TAFA2: variants seen among roughly 807,000 people sequenced by gnomAD.
TAFA2 encodes the protein chemokine-like protein TAFA-2.
A neutral mutation model predicts 18.8 loss-of-function variants in TAFA2; 7 were observed. That is an observed-to-expected ratio of 0.37 (90% CI 0.21 to 0.70). The LOEUF (loss-of-function observed/expected upper bound fraction) is 0.70. Among genes scored for constraint, TAFA2 ranks in the 30% least tolerant of loss-of-function variants. The pLI is 0.53. For synonymous variants in TAFA2, 60 were observed against 54.2 expected, an observed-to-expected ratio of 1.11 and a Z score of -0.47; for missense variants, 122 against 158.1, an observed-to-expected ratio of 0.77 and a Z score of 1.23.
At chr12:61,871,916 C>A (rs578206045) in intron 1 of TAFA2, among the ~76,000 whole-genome samples, 1 of 152,162 alleles carries the variant, frequency 6.6e-6, no homozygotes, top group Non-Finnish European at 1.5e-5. Flanking sequence ...CACAGTGAAA[C>A]CCTGTCTCTA....
intron 1 of TAFA2, among the ~76,000 whole-genome samples, chr12:62,215,625 T>A (rs1353948386): frequency 8.6e-6 from 1 of 115,950 alleles, no homozygotes; most frequent in Non-Finnish European, 1.8e-5. Flanking sequence ...ACAACTCGTT[T>A]ATCAAAAAAA....
At chr12:62,134,297 A>G (rs1870807842) in intron 1 of TAFA2, among the ~76,000 whole-genome samples, 1 of 151,952 alleles carries the variant, frequency 6.6e-6, no homozygotes. Context: ...AATTAGGGTT[A>G]AATGAGGTCC....
chr12:61,845,280 A>C (rs1209851582), intron 2 of TAFA2, among the ~76,000 whole-genome samples: 4 of 152,106 alleles, frequency 2.6e-5, no homozygotes, highest in Non-Finnish European at 5.9e-5. Flanking sequence ...AGACTATTGA[A>C]CTTTAAATTA....
At chr12:61,940,956 G>A (rs908805192) in intron 1 of TAFA2, among the ~76,000 whole-genome samples, 14 of 151,922 alleles carry the variant, frequency 9.2e-5, no homozygotes, top group African/African-American at 2.9e-4. Flanking sequence ...TGTGGCTACT[G>A]AATACTTGAA....
chr12:61,938,230 T>TTA (rs1453229631), intron 1 of TAFA2, among the ~76,000 whole-genome samples: 2 of 98,484 alleles, frequency 2.0e-5, no homozygotes, highest in East Asian at 2.9e-4. Flanking sequence ...ATAGATATGG[T>TTA]AAAAAAAAAA....
chr12:62,217,151 T>C (rs1282661590), intron 1 of TAFA2, among the ~76,000 whole-genome samples: 4 of 152,192 alleles, frequency 2.6e-5, no homozygotes, highest in Non-Finnish European at 5.9e-5. Context: ...ACCCACCCTC[T>C]AGATAGCATG....
chr12:61,970,589 T>A (rs1045363526), intron 1 of TAFA2, among the ~76,000 whole-genome samples: 2 of 151,540 alleles, frequency 1.3e-5, no homozygotes, highest in African/African-American at 4.8e-5. Context: ...GGAAGGCTTT[T>A]GCAACAGTCA....
At chr12:62,145,929 A>T (rs148985460) in intron 1 of TAFA2, among the ~76,000 whole-genome samples, 150 of 152,346 alleles carry the variant, frequency 9.8e-4, no homozygotes, top group South Asian at 4.3e-3. Flanking sequence ...CCAGGAAGGC[A>T]GCTTAAGCAC....
In TAFA2 at chr12:61,982,467, C is replaced by T. The variant is rs114191971; in HGVS notation, c.-1-115041G>A. 6.0e-3 allele frequency among the ~76,000 whole-genome samples: 917 copies of T among 152,074 alleles called. 10 individuals carry two copies. Among genetic ancestry groups the T allele is most frequent in the African/African-American group, 0.021 (881 of 41,502 alleles). On this transcript the variant is annotated intron_variant, in intron 1 of 4. Coordinates refer to ENST00000416284, the MANE Select transcript of TAFA2 (RefSeq NM_178539.5). ...AAAAAAGAAAAGAAAAGAAATGTAT[C>T]CCTGGCCAGGCACAGTGGCTCACTG...
intron 1 of TAFA2, among the ~76,000 whole-genome samples, chr12:62,005,694 T>C (rs1165597094): frequency 6.6e-6 from 1 of 152,098 alleles, no homozygotes; most frequent in Non-Finnish European, 1.5e-5. Context: ...AGGGATAAAC[T>C]AGAAAGCAGG....
chr12:62,120,019 G>A (rs950751285), intron 1 of TAFA2, among the ~76,000 whole-genome samples: 11 of 151,598 alleles, frequency 7.3e-5, no homozygotes, highest in East Asian at 1.9e-4. Flanking sequence ...GTTCTGGTGC[G>A]CCATTGCACT....
chr12:61,967,989 G>T (rs866476228), intron 1 of TAFA2, among the ~76,000 whole-genome samples: 3 of 151,664 alleles, frequency 2.0e-5, no homozygotes, highest in Admixed American at 1.3e-4. Flanking sequence ...TGCTAATGAG[G>T]TCTTCTTTTT....
intron 1 of TAFA2, among the ~76,000 whole-genome samples, chr12:61,992,537 G>C (rs960687713): frequency 2.6e-5 from 4 of 152,100 alleles, no homozygotes; most frequent in African/African-American, 7.2e-5. Context: ...ATAGCAGCTA[G>C]AGTGAGCCTT....
At chr12:62,230,214 T>C (rs2062806442) in intron 1 of TAFA2, among the ~76,000 whole-genome samples, 1 of 152,112 alleles carries the variant, frequency 6.6e-6, no homozygotes, top group Admixed American at 6.5e-5. Flanking sequence ...TTTTATTTCT[T>C]CTCTGATCTT....
chr12:62,033,894 G>GA lies in TAFA2; in HGVS notation c.-2+157364dup, dbSNP rs576016790. On this transcript the variant is annotated intron_variant, in intron 1 of 4. Coordinates refer to ENST00000416284, the MANE Select transcript of TAFA2 (RefSeq NM_178539.5). ...TGTTTCACTATTAGATTACTTTTATGAAAAAATGAATACAAAGTTTGTATT... is the reference window on the plus strand; with the variant it reads ...TGTTTCACTATTAGATTACTTTTATGAAAAAAATGAATACAAAGTTTGTATT... 4.7e-3 allele frequency among the ~76,000 whole-genome samples: 713 copies of GA among 152,138 alleles called. 3 individuals carry two copies. Among genetic ancestry groups the GA allele is most frequent in the Non-Finnish European group, 7.1e-3 (480 of 67,996 alleles).
At chr12:62,090,983 A>G (rs1274738917) in intron 1 of TAFA2, among the ~76,000 whole-genome samples, 1 of 152,074 alleles carries the variant, frequency 6.6e-6, no homozygotes, top group African/African-American at 2.4e-5. Flanking sequence ...TTGTTTTGCC[A>G]CTTTCAGAGA....
At chr12:62,010,455 A>G (rs995478405) in intron 1 of TAFA2, among the ~76,000 whole-genome samples, 6 of 151,924 alleles carry the variant, frequency 3.9e-5, no homozygotes, top group African/African-American at 1.5e-4. Context: ...CGCTCACTCA[A>G]TGCTCAGTGT....
chr12:62,096,559 A>G (rs185495724), intron 1 of TAFA2, among the ~76,000 whole-genome samples: 154 of 152,260 alleles, frequency 1.0e-3, no homozygotes, highest in Middle Eastern at 6.8e-3. Context: ...ATAAATCCCA[A>G]TTACTATTTG....
intron 4 of TAFA2, among the ~76,000 whole-genome samples, chr12:61,736,797 T>C (rs1437798922): frequency 6.6e-6 from 1 of 152,028 alleles, no homozygotes; most frequent in African/African-American, 2.4e-5. Flanking sequence ...CTTCAGGCTG[T>C]GAATGAATGA....
Sources: allele counts gnomAD v4.1 joint callset (sites outside exome capture counted in the v4.1 genomes callset), GRCh38; gene constraint gnomAD v4.1.1; transcripts MANE v1.5; gene names NCBI Gene and HGNC (gene_info 2026-07-23, HGNC 2026-07-21).